Variants in DGKB observed in about 807,000 individuals in gnomAD.
DGKB encodes the protein 90 kDa diacylglycerol kinase.
In DGKB, 67 loss-of-function variants were observed where a neutral mutation model predicts 114.3. The observed-to-expected ratio is 0.59, with a 90% CI of 0.48 to 0.72. The LOEUF (loss-of-function observed/expected upper bound fraction) is 0.72, where lower values mean the gene tolerates loss of function less well. Ranked by LOEUF, DGKB falls within the 30% of genes least tolerant of loss-of-function variation. DGKB has a pLI of 0.00. For synonymous variants in DGKB, 398 were observed against 323.1 expected (o/e 1.23, Z -2.49); for missense variants, 907 against 975.2 (o/e 0.93, Z 0.93).
At chr7:14,483,421 C>A (rs1451653060) in intron 20 of DGKB, among the ~76,000 whole-genome samples, 1 of 152,090 alleles carries the variant, frequency 6.6e-6, no homozygotes, top group Non-Finnish European at 1.5e-5. Flanking sequence ...ACATGATGAG[C>A]TTTGAGACTT....
At position 14,530,588 on chromosome 7, in the gene DGKB, C is replaced by T. The variant is rs544664100; in HGVS notation, c.1770+43624G>A. On this transcript the variant is annotated intron_variant, in intron 20 of 25. Transcript: ENST00000402815. ...TGAAACAATGTTTTAATTGAGTTTA[C>T]CATACGATATTGGGATTTCCATGAA... Among the ~76,000 whole-genome samples the T allele has an allele frequency of 3.3e-5, 5 of 151,522 alleles. No individual in the cohort carries two copies. In the South Asian group the frequency reaches 8.3e-4, roughly 25 times the overall value.
chr7:14,175,621 C>G (rs1323577676), intron 25 of DGKB, among the ~76,000 whole-genome samples: 1 of 152,118 alleles, frequency 6.6e-6, no homozygotes, highest in Non-Finnish European at 1.5e-5. Flanking sequence ...CCAATGTGAA[C>G]TTAAAAAAAT....
chr7:14,498,595 A>G (rs1785648974), intron 20 of DGKB, among the ~76,000 whole-genome samples: 1 of 151,768 alleles, frequency 6.6e-6, no homozygotes, highest in African/African-American at 2.4e-5. Context: ...AAGTCAATTG[A>G]AGGTAATTTT....
chr7:14,840,763 C>T (rs2128137592), intron 2 of DGKB, among the ~76,000 whole-genome samples: 1 of 150,782 alleles, frequency 6.6e-6, no homozygotes, highest in East Asian at 2.0e-4. Flanking sequence ...TTTTCCCTCC[C>T]TCTTGATATC....
chr7:14,855,501 C>T (rs1850014883), intron 1 of DGKB, among the ~76,000 whole-genome samples: 1 of 152,086 alleles, frequency 6.6e-6, no homozygotes, highest in East Asian at 1.9e-4. Context: ...GACCTCCAAC[C>T]CAAATAAGCA....
At chr7:14,520,210 A>ATTTTTTTTTTTTTTTTTTTTTT (rs386409562) in intron 20 of DGKB, among the ~76,000 whole-genome samples, 1 of 119,140 alleles carries the variant, frequency 8.4e-6, no homozygotes, top group Non-Finnish European at 1.7e-5. Flanking sequence ...CTTTTTTCCT[A>ATTTTTTTTTTTTTTTTTTTTTT]TTTTTTTTTT....
intron 23 of DGKB, among the ~76,000 whole-genome samples, chr7:14,277,459 C>T (rs1404060790): frequency 1.3e-5 from 2 of 152,184 alleles, no homozygotes; most frequent in East Asian, 3.9e-4. Flanking sequence ...AGGCGTGAAT[C>T]ACTGTGCCTG....
intron 23 of DGKB, among the ~76,000 whole-genome samples, chr7:14,329,689 G>A (rs981785131): frequency 6.6e-6 from 1 of 151,838 alleles, no homozygotes; most frequent in Non-Finnish European, 1.5e-5. Context: ...TACCACCTTA[G>A]CTTCAAATCA....
chr7:14,532,497 T>C (rs980541816), intron 20 of DGKB, among the ~76,000 whole-genome samples: 3 of 151,500 alleles, frequency 2.0e-5, no homozygotes, highest in African/African-American at 7.2e-5. Flanking sequence ...GATTTATTAA[T>C]ATATGAGAAA....
chr7:14,266,253 T>C (rs1207680095), intron 23 of DGKB, among the ~76,000 whole-genome samples: 1 of 152,236 alleles, frequency 6.6e-6, no homozygotes, highest in African/African-American at 2.4e-5. Flanking sequence ...CTAAGAATTT[T>C]GCTATTACAG....
chr7:14,348,338 GAGT>G (rs1185540437), intron 21 of DGKB, among the ~76,000 whole-genome samples: 3 of 152,106 alleles, frequency 2.0e-5, no homozygotes, highest in African/African-American at 7.2e-5. Context: ...TTTTATCACT[GAGT>G]AGTAGTACAT....
At chr7:14,908,067 G>A (rs1189474244), upstream of DGKB, among the ~76,000 whole-genome samples, 1 of 152,180 alleles carries the variant, frequency 6.6e-6, no homozygotes, top group African/African-American at 2.4e-5. Flanking sequence ...GGCTGTCTCA[G>A]TGATGGATGT....
chr7:14,572,287 C>CAA (rs11333094), intron 20 of DGKB, among the ~76,000 whole-genome samples: 3,365 of 135,134 alleles, frequency 0.025, 141 homozygotes, highest in African/African-American at 0.088. Flanking sequence ...ACTAAAAATA[C>CAA]AAAAAAAAAA....
intron 25 of DGKB, among the ~76,000 whole-genome samples, chr7:14,168,670 A>G (rs953450652): frequency 2.0e-5 from 3 of 152,246 alleles, no homozygotes; most frequent in African/African-American, 7.2e-5. Context: ...ATGAAGGGGA[A>G]TTAAAGATGA....
chr7:14,893,668 C>G lies in DGKB; in HGVS notation c.-188+8924G>C, dbSNP rs951598610. On this transcript the variant is annotated intron_variant, in intron 1 of 25. Coordinates refer to ENST00000402815, the MANE Select transcript of DGKB (RefSeq NM_001350709.2). ...TACACTTGAATAAATGAAAGAAATA[C>G]TCGTTTTCACAGGAGGATAAAAGAA... Among the ~76,000 whole-genome samples, 4 of 151,256 alleles carry G rather than the reference C, an allele frequency of 2.6e-5. No homozygotes were observed. The Admixed American group carries it at 2.6e-4, about 10-fold the overall frequency.
At chr7:14,710,689 A>T (rs2128333577) in intron 6 of DGKB, among the ~76,000 whole-genome samples, 1 of 152,172 alleles carries the variant, frequency 6.6e-6, no homozygotes, top group South Asian at 2.1e-4. Flanking sequence ...TTCGCTAAGA[A>T]TTTTTGCTAT....
At chr7:14,348,728 T>C (rs1201255010) in intron 21 of DGKB, among the ~76,000 whole-genome samples, 2 of 151,832 alleles carry the variant, frequency 1.3e-5, no homozygotes, top group East Asian at 3.9e-4. Context: ...ATGAGCCAAG[T>C]ATTGTAGGAA....
chr7:14,499,434 G>A (rs899789788), intron 20 of DGKB, among the ~76,000 whole-genome samples: 5 of 151,700 alleles, frequency 3.3e-5, no homozygotes, highest in African/African-American at 1.2e-4. Flanking sequence ...TTGCTAGCAT[G>A]ATCCACAAAA....
chr7:14,470,989 A>G (rs1283492701), intron 21 of DGKB, among the ~76,000 whole-genome samples: 1 of 151,144 alleles, frequency 6.6e-6, no homozygotes, highest in Non-Finnish European at 1.5e-5. Flanking sequence ...GAAATATTAT[A>G]TTTTTAACTT....
Sources: gnomAD v4.1 joint callset for allele counts (sites outside exome capture counted in the v4.1 genomes callset) on GRCh38, gnomAD v4.1.1 for gene constraint, MANE v1.5 for transcripts, NCBI Gene and HGNC (gene_info 2026-07-23, HGNC 2026-07-21) for gene names.